CDKL4: variants seen among roughly 807,000 people sequenced by gnomAD.
CDKL4 encodes the protein cyclin dependent kinase like 4, also known as cyclin-dependent kinase-like 4.
In CDKL4, 44 loss-of-function variants were observed where a neutral mutation model predicts 42.0. That is an observed-to-expected ratio of 1.05 (90% CI 0.82 to 1.35). The LOEUF (loss-of-function observed/expected upper bound fraction) is 1.35, where lower values mean the gene tolerates loss of function less well. Among genes scored for constraint, CDKL4 ranks in the 40% most tolerant of loss-of-function variants. The probability of loss-of-function intolerance (pLI) is 0.00; values close to 1 mark genes in which losing one functional copy is unlikely to be tolerated. For synonymous variants in CDKL4, 120 were observed against 121.6 expected (o/e 0.99, Z 0.09); for missense variants, 393 against 369.9 (o/e 1.06, Z -0.51).
intron 7 of CDKL4, among the ~76,000 whole-genome samples, chr2:39,186,303 T>G (rs1675824016): frequency 6.6e-6 from 1 of 152,216 alleles, no homozygotes; most frequent in Admixed American, 6.5e-5. Flanking sequence ...TAGAGATGGT[T>G]GGGACCATTT....
chr2:39,176,995 G>A (rs919695144), intron 9 of CDKL4, among the ~76,000 whole-genome samples: 2 of 152,070 alleles, frequency 1.3e-5, no homozygotes, highest in African/African-American at 2.4e-5. Flanking sequence ...GTTTAGGACC[G>A]GCCTCGTGTA....
At chr2:39,244,136 G>C (rs1375603226), upstream of CDKL4, among the ~76,000 whole-genome samples, 1 of 152,240 alleles carries the variant, frequency 6.6e-6, no homozygotes, top group Non-Finnish European at 1.5e-5. Flanking sequence ...CCCTCGCTCG[G>C]TCTCGACGCC....
Position 39,212,615 on chromosome 2 carries a change from TAA to T in CDKL4, c.363+783_363+784del, listed in dbSNP as rs1307048420. On this transcript the variant is annotated intron_variant, in intron 4 of 9. Transcript: ENST00000451199. Reference sequence around the variant, plus strand: ...ACTTAAGAGACTTAAAAATAATAGTTAAAAAAAAAAGTACCATGGGGGATTAC... The same window carrying T: ...ACTTAAGAGACTTAAAAATAATAGTTAAAAAAAAGTACCATGGGGGATTAC... Among the ~76,000 whole-genome samples, 6 of 147,634 alleles carry T rather than the reference TAA, an allele frequency of 4.1e-5. No individual in the cohort carries two copies. The South Asian group carries it at 8.6e-4, about 21-fold the overall frequency.
intron 1 of CDKL4, among the ~76,000 whole-genome samples, chr2:39,242,257 G>A (rs78333931): frequency 0.013 from 2,041 of 152,172 alleles, 40 homozygotes; most frequent in African/African-American, 0.047. Context: ...TGTGGCCTAG[G>A]CTGATCCTGA....
At chr2:39,214,083 C>T (rs955305057) in intron 3 of CDKL4, among the ~76,000 whole-genome samples, 12 of 151,854 alleles carry the variant, frequency 7.9e-5, no homozygotes, top group Non-Finnish European at 1.5e-4. Context: ...CCACGATACC[C>T]GGCTAATTTT....
chr2:39,241,891 A>G (rs1471881807), intron 1 of CDKL4, among the ~76,000 whole-genome samples: 2 of 152,202 alleles, frequency 1.3e-5, no homozygotes, highest in African/African-American at 4.8e-5. Flanking sequence ...TTTCTATTAA[A>G]TATGTAAAAT....
chr2:39,173,878 G>C (rs564132015), downstream of CDKL4, among the ~76,000 whole-genome samples: 78 of 150,686 alleles, frequency 5.2e-4, no homozygotes, highest in African/African-American at 1.8e-3. Context: ...AATTACTTGA[G>C]AGACTGAGGC....
intron 4 of CDKL4, among the ~76,000 whole-genome samples, chr2:39,210,105 A>G (rs566624497): frequency 6.6e-6 from 1 of 152,126 alleles, no homozygotes. Context: ...CTCCCACCTC[A>G]GCCTGCTGAG....
At chr2:39,239,665 T>A (rs1394846142) in intron 1 of CDKL4, among the ~76,000 whole-genome samples, 2 of 152,186 alleles carry the variant, frequency 1.3e-5, no homozygotes, top group Non-Finnish European at 2.9e-5. Context: ...TACATACACA[T>A]TAGAATGACT....
At chr2:39,244,884 A>T (rs1679842504), upstream of CDKL4, among the ~76,000 whole-genome samples, 1 of 152,102 alleles carries the variant, frequency 6.6e-6, no homozygotes, top group Admixed American at 6.5e-5. Context: ...GCACCAGTCG[A>T]CACTCTGTAT....
chr2:39,181,295 T>C (rs1013138579), intron 8 of CDKL4, among the ~76,000 whole-genome samples: 1 of 152,240 alleles, frequency 6.6e-6, no homozygotes, highest in African/African-American at 2.4e-5. Flanking sequence ...CTCTACTATG[T>C]TCTCCACTAT....
intron 1 of CDKL4, among the ~76,000 whole-genome samples, chr2:39,240,640 C>T (rs1222265473): frequency 1.2e-5 from 1 of 85,580 alleles, no homozygotes; most frequent in Non-Finnish European, 2.4e-5. Flanking sequence ...TATTCAGCAA[C>T]AAAAAGGAAT....
At chr2:39,244,031 C>A (rs962148045), upstream of CDKL4, among the ~76,000 whole-genome samples, 62 of 152,326 alleles carry the variant, frequency 4.1e-4, no homozygotes, top group South Asian at 4.1e-4. Context: ...CTAGGGCGCG[C>A]GGGGCACTGC....
At chr2:39,170,176 C>T in the CDKL4 span, among the ~76,000 whole-genome samples, 1 of 150,220 alleles carries the variant, frequency 6.7e-6, no homozygotes, top group Non-Finnish European at 1.5e-5. Context: ...AACTACTACT[C>T]TTAAACACCT....
intron 5 of CDKL4, among the ~76,000 whole-genome samples, chr2:39,203,671 C>T (rs996624605): frequency 3.3e-5 from 5 of 152,148 alleles, no homozygotes; most frequent in African/African-American, 1.2e-4. Flanking sequence ...TGCAAACATC[C>T]CTACTAATGG....
rs780396122 is a variant in CDKL4 at position 39,223,056 on chromosome 2, G to A, written c.290+2783C>T. Reference sequence around the variant, plus strand: ...ATTTTCAATTATACTTAACATTCTAGTATGTTATCTCATTTTTTCATATAT... The same window carrying A: ...ATTTTCAATTATACTTAACATTCTAATATGTTATCTCATTTTTTCATATAT... On this transcript the variant is annotated intron_variant, in intron 3 of 9. Coordinates refer to ENST00000451199, the Ensembl canonical transcript of CDKL4. Among the ~76,000 whole-genome samples the A allele has an allele frequency of 5.7e-4, 87 of 152,106 alleles. 1 individual carries two copies. Among genetic ancestry groups the A allele is most frequent in the Non-Finnish European group, 1.1e-3 (72 of 68,006 alleles).
intron 8 of CDKL4, among the ~76,000 whole-genome samples, chr2:39,182,913 G>A (rs1285371298): frequency 6.6e-6 from 1 of 152,194 alleles, no homozygotes; most frequent in Non-Finnish European, 1.5e-5. Flanking sequence ...ATCCACCTGA[G>A]CAGTCCCTGC....
intron 5 of CDKL4, among the ~76,000 whole-genome samples, chr2:39,197,524 T>C (rs995886794): frequency 5.3e-5 from 8 of 152,136 alleles, no homozygotes; most frequent in African/African-American, 1.7e-4. Flanking sequence ...GATCATCGCC[T>C]AGGCACATAG....
chr2:39,220,067 G>A (rs1270093254), intron 3 of CDKL4, among the ~76,000 whole-genome samples: 1 of 152,142 alleles, frequency 6.6e-6, no homozygotes, highest in Non-Finnish European at 1.5e-5. Flanking sequence ...CCTGCAGGGT[G>A]CTCAATGACA....
Sources: allele counts gnomAD v4.1 joint callset (sites outside exome capture counted in the v4.1 genomes callset), GRCh38; gene constraint gnomAD v4.1.1; transcripts MANE v1.5; gene names NCBI Gene and HGNC (gene_info 2026-07-23, HGNC 2026-07-21).